The following COL5A2 variants were observed in gnomAD, a reference collection of about 807,000 sequenced individuals.
COL5A2 encodes the protein collagen alpha-2(V) chain.
Under a neutral mutation model 208.2 loss-of-function variants are expected in COL5A2, and 23 were observed. The ratio of observed to expected loss-of-function variants is 0.11; its 90% CI spans 0.08 to 0.16. The LOEUF (loss-of-function observed/expected upper bound fraction) is 0.16, where lower values mean the gene tolerates loss of function less well. Ranked by LOEUF, COL5A2 falls within the 10% of genes least tolerant of loss-of-function variation. The probability of loss-of-function intolerance (pLI) is 1.00; values close to 1 mark genes in which losing one functional copy is unlikely to be tolerated. For missense variants in COL5A2, 1,590 were observed against 1,956.4 expected (o/e 0.81, Z 3.53); for synonymous variants, 625 against 628.5 (o/e 0.99, Z 0.08).
the COL5A2 span, among the ~76,000 whole-genome samples, chr2:189,252,189 T>C: frequency 6.6e-6 from 1 of 152,212 alleles, no homozygotes; most frequent in Non-Finnish European, 1.5e-5. Flanking sequence ...TCAACCATTG[T>C]GGAAGACAGT....
intron 30 of COL5A2, among the ~76,000 whole-genome samples, chr2:189,061,101 G>C (rs1262661386): frequency 6.6e-6 from 1 of 151,996 alleles, no homozygotes; most frequent in East Asian, 1.9e-4. Context: ...TAGACTGCTA[G>C]AATATTATTT....
the COL5A2 span, among the ~76,000 whole-genome samples, chr2:189,287,537 T>C: frequency 4.3e-4 from 66 of 152,148 alleles, no homozygotes; most frequent in Admixed American, 1.7e-3. Context: ...TCAAAAGATG[T>C]CTATCACTTC....
At chr2:189,098,041 C>CCCCG (rs1189838778) in intron 5 of COL5A2, among the ~76,000 whole-genome samples, 4 of 152,028 alleles carry the variant, frequency 2.6e-5, no homozygotes, top group South Asian at 2.1e-4. Flanking sequence ...TTTTTCCCCC[C>CCCCG]CTGGGAAATG....
the COL5A2 span, among the ~76,000 whole-genome samples, chr2:189,431,781 T>A: frequency 6.6e-6 from 1 of 152,160 alleles, no homozygotes; most frequent in African/African-American, 2.4e-5. Flanking sequence ...CTTCAGGATA[T>A]TATCCAGAAG....
chr2:189,258,487 A>G, the COL5A2 span, among the ~76,000 whole-genome samples: 3 of 152,230 alleles, frequency 2.0e-5, no homozygotes, highest in African/African-American at 4.8e-5. Context: ...TGATCATTTT[A>G]TTAGGAAGAG....
chr2:189,086,160 A>C (rs1280166076), intron 9 of COL5A2, among the ~76,000 whole-genome samples: 3 of 152,204 alleles, frequency 2.0e-5, no homozygotes, highest in Non-Finnish European at 4.4e-5. Context: ...ACAATGTGGT[A>C]ACCTTGACTG....
the COL5A2 span, among the ~76,000 whole-genome samples, chr2:189,326,268 A>C: frequency 6.6e-6 from 1 of 152,172 alleles, no homozygotes; most frequent in Non-Finnish European, 1.5e-5. Flanking sequence ...AAAAACAAGC[A>C]ATTCAATTAA....
chr2:189,208,246 C>T (rs1689165186), intron 1 of COL5A2, among the ~76,000 whole-genome samples: 1 of 152,136 alleles, frequency 6.6e-6, no homozygotes, highest in Non-Finnish European at 1.5e-5. Flanking sequence ...CAGGGTACTC[C>T]ACATAGCAGG....
Position 189,081,061 on chromosome 2 carries a change from A to G in COL5A2, c.853-18T>C. 2.5e-6 allele frequency: 4 copies of G among 1,610,858 alleles called. No homozygotes were observed. Among genetic ancestry groups the G allele is most frequent in the Non-Finnish European group, 3.4e-6 (4 of 1,177,232 alleles). On this transcript the variant is annotated intron_variant, in intron 12 of 53. Transcript: ENST00000374866. ...CGAGCTCCCTGGGAGGAAAACATAG[A>G]TAGGGCATTTTACAGTCATTAATAA...
In COL5A2 at chr2:189,066,410, G is replaced by A; in HGVS notation, c.1543C>T (p.Pro515Ser). 6.2e-7 allele frequency: 1 copy of A among 1,614,076 alleles called. No individual in the cohort carries two copies. The highest frequency in any genetic ancestry group is 1.1e-5 in the South Asian group (1 of 91,076). Reference sequence around the variant, plus strand: ...TTTACCCTTTCTCCCACTGGCCCTGGAGGACCAACTGTTCCTGGGTCACCT... The same window carrying A: ...TTTACCCTTTCTCCCACTGGCCCTGAAGGACCAACTGTTCCTGGGTCACCT... ...PRGDPGTVGP[P>S]GPVGERGAPG... The change falls in exon 23 of 54, where the codon CCA becomes TCA. Residue 515 changes from proline to serine, a missense_variant. Coordinates refer to ENST00000374866, the MANE Select transcript of COL5A2 (RefSeq NM_000393.5).
the COL5A2 span, among the ~76,000 whole-genome samples, chr2:189,267,473 T>G: frequency 1.3e-5 from 2 of 152,128 alleles, no homozygotes; most frequent in Non-Finnish European, 2.9e-5. Flanking sequence ...ACATGCTAAA[T>G]GCATTTTTTA....
Position 189,092,415 on chromosome 2 carries a change from A to C in COL5A2, c.462T>G (p.Pro154=). The change falls in exon 7 of 54, where the codon CCT becomes CCG. Residue 154 remains proline (P), a synonymous_variant. Transcript: ENST00000374866. ...CTCCATCAATTCCCTGAGGTCCACG[A>C]GGGCCCTGGAAAACAAGCCAGTTAA... ...GERGPKGRPG[P]RGPQGIDGEP... is the part of the protein sequence containing the mutation. 1 of 1,588,874 alleles carries C rather than the reference A, an allele frequency of 6.3e-7. No homozygotes were observed. Among genetic ancestry groups the C allele is most frequent in the Non-Finnish European group, 8.6e-7 (1 of 1,165,342 alleles).
At chr2:189,219,988 TA>T (rs1024326689) in intron 1 of COL5A2, among the ~76,000 whole-genome samples, 8 of 152,184 alleles carry the variant, frequency 5.3e-5, no homozygotes, top group African/African-American at 1.9e-4. Flanking sequence ...CACTAAGCCA[TA>T]AAATTATGTA....
At chr2:189,324,845 C>T in the COL5A2 span, among the ~76,000 whole-genome samples, 3 of 152,130 alleles carry the variant, frequency 2.0e-5, no homozygotes, top group Admixed American at 6.5e-5. Flanking sequence ...ATAAATCATG[C>T]TACTATAAAG....
At chr2:189,054,416 C>T (rs1433014389) in intron 35 of COL5A2, among the ~76,000 whole-genome samples, 2 of 152,092 alleles carry the variant, frequency 1.3e-5, no homozygotes, top group Non-Finnish European at 2.9e-5. Context: ...ATATTTTCTC[C>T]ACACAGTGTT....
Position 189,042,732 on chromosome 2 carries a change from T to C in COL5A2, c.3513A>G (p.Pro1171=), listed in dbSNP as rs754108091. The C allele has an allele frequency of 3.1e-6, 5 of 1,607,834 alleles. No homozygotes were observed. Among genetic ancestry groups the C allele is most frequent in the East Asian group, 4.5e-5 (2 of 44,860 alleles). Residue 1171 remains proline (P), a synonymous_variant, in exon 49 of 54, where the codon CCA becomes CCG. Coordinates refer to ENST00000374866, the MANE Select transcript of COL5A2 (RefSeq NM_000393.5). ...TTTTGTTACTTACTCTTGGGCCAAA[T>C]GGTCCAGGGATTCCAGCACTTCCTT... ...GEQGSAGIPG[P]FGPRGPPGPV... is the part of the protein sequence containing the mutation.
intron 29 of COL5A2, among the ~76,000 whole-genome samples, chr2:189,062,235 G>A (rs533028100): frequency 6.0e-5 from 9 of 149,916 alleles, no homozygotes; most frequent in Middle Eastern, 3.4e-3. Context: ...CCAGGCTGGA[G>A]TGCAACGGTG....
chr2:189,047,939 A>G (rs937303974), intron 45 of COL5A2, among the ~76,000 whole-genome samples: 38 of 152,200 alleles, frequency 2.5e-4, no homozygotes, highest in Non-Finnish European at 2.1e-4. Flanking sequence ...AACACTTCAT[A>G]TATATCCTCA....
At chr2:189,329,087 T>C in the COL5A2 span, among the ~76,000 whole-genome samples, 1 of 152,050 alleles carries the variant, frequency 6.6e-6, no homozygotes, top group Non-Finnish European at 1.5e-5. Context: ...TTTCCATCGA[T>C]GGGGAAGTGA....
Sources: allele counts gnomAD v4.1 joint callset (sites outside exome capture counted in the v4.1 genomes callset), GRCh38; gene constraint gnomAD v4.1.1; transcripts MANE v1.5; gene names NCBI Gene and HGNC (gene_info 2026-07-23, HGNC 2026-07-21).